Variants in LRRC7 observed in about 807,000 individuals in gnomAD.
The protein encoded by LRRC7 is leucine-rich repeat-containing protein 7.
In LRRC7, 23 loss-of-function variants were observed where a neutral mutation model predicts 175.7. The observed-to-expected ratio is 0.13, with a 90% CI of 0.09 to 0.19. The LOEUF is 0.19. Among genes scored for constraint, LRRC7 ranks in the 10% least tolerant of loss-of-function variants. The pLI is 1.00. For missense variants in LRRC7, 1,354 were observed against 1,904.7 expected (o/e 0.71, Z 5.38); for synonymous variants, 685 against 680.9 (o/e 1.01, Z -0.09).
intron 1 of LRRC7, among the ~76,000 whole-genome samples, chr1:69,596,609 T>C (rs1487221264): frequency 6.6e-6 from 1 of 152,240 alleles, no homozygotes; most frequent in Non-Finnish European, 1.5e-5. Flanking sequence ...TGGGACAAAC[T>C]ATTTTCTTTC....
In LRRC7 at chr1:69,838,429, G is replaced by A; in HGVS notation, c.647+146G>A. ...TAAAGGCCAAAAAGTATGGTATACT[G>A]TAAAAGATTCATATTACATGAGAAT... On this transcript the variant is annotated intron_variant, in intron 7 of 26. Transcript: ENST00000651989. 4.9e-6 allele frequency: 3 copies of A among 613,544 alleles called. No individual in the cohort carries two copies. The South Asian group carries it at 5.4e-5, about 11-fold the overall frequency. 38.0% of individuals were successfully genotyped at this position (613,544 alleles called of 1,614,324 possible).
At chr1:69,626,730 C>A (rs181160214) in intron 1 of LRRC7, among the ~76,000 whole-genome samples, 4 of 121,546 alleles carry the variant, frequency 3.3e-5, no homozygotes, top group Non-Finnish European at 4.9e-5. Context: ...TCTCCTCCGC[C>A]CCCCCATGAC....
intron 10 of LRRC7, among the ~76,000 whole-genome samples, chr1:69,992,395 G>A (rs1390190019): frequency 1.3e-5 from 2 of 152,042 alleles, no homozygotes; most frequent in East Asian, 3.9e-4. Flanking sequence ...AAGAGATGGA[G>A]ACTTGGAGAA....
At chr1:69,977,614 G>A (rs1233566260) in intron 8 of LRRC7, among the ~76,000 whole-genome samples, 1 of 152,072 alleles carries the variant, frequency 6.6e-6, no homozygotes, top group Non-Finnish European at 1.5e-5. Flanking sequence ...AGGCTTCCTT[G>A]TGCTAAGGGT....
chr1:70,070,615 G>A lies in LRRC7; in HGVS notation c.4231-5462G>A, dbSNP rs191159664. On this transcript the variant is annotated intron_variant, in intron 23 of 26. Transcript: ENST00000651989. ...GACACCACTCCAGTTGGGGAAGGGT[G>A]GGGTGCTGCATTGTTATGGCCAGGT... Among the ~76,000 whole-genome samples the A allele has an allele frequency of 4.7e-4, 72 of 152,192 alleles. 1 individual carries two copies. The East Asian group carries it at 0.013, about 27-fold the overall frequency.
chr1:69,919,404 C>A, intron 7 of LRRC7: 1 of 698,402 alleles, frequency 1.4e-6, no homozygotes, highest in South Asian at 1.8e-5. Context: ...AGCGCATGAG[C>A]CGCCCCTCAG....
intron 1 of LRRC7, among the ~76,000 whole-genome samples, chr1:69,668,584 T>C (rs1323855251): frequency 6.6e-6 from 1 of 152,238 alleles, no homozygotes; most frequent in African/African-American, 2.4e-5. Flanking sequence ...TTCGCTATTG[T>C]GAATAGTGCT....
chr1:69,790,109 T>G (rs1218197022), intron 3 of LRRC7, among the ~76,000 whole-genome samples: 1 of 152,066 alleles, frequency 6.6e-6, no homozygotes, highest in Non-Finnish European at 1.5e-5. Context: ...GACTTAGAAC[T>G]GATGAATCTA....
At chr1:69,667,770 C>T (rs544800489) in intron 1 of LRRC7, among the ~76,000 whole-genome samples, 10 of 152,260 alleles carry the variant, frequency 6.6e-5, no homozygotes, top group African/African-American at 2.4e-4. Flanking sequence ...CACTCCACAA[C>T]TTTTGATTGA....
chr1:70,092,137 G>C (rs1664074439), intron 25 of LRRC7, among the ~76,000 whole-genome samples: 1 of 152,098 alleles, frequency 6.6e-6, no homozygotes, highest in Non-Finnish European at 1.5e-5. Context: ...TATTCTGAAA[G>C]TGTTGCATAA....
chr1:70,113,236 T>C (rs1288651886), intron 26 of LRRC7, among the ~76,000 whole-genome samples: 1 of 152,138 alleles, frequency 6.6e-6, no homozygotes, highest in East Asian at 1.9e-4. Flanking sequence ...GACCAGTAGG[T>C]GTGATCAGCT....
chr1:70,056,828 A>T (rs143451439), intron 23 of LRRC7, among the ~76,000 whole-genome samples: 11 of 152,292 alleles, frequency 7.2e-5, no homozygotes, highest in African/African-American at 2.2e-4. Flanking sequence ...AAGGAAAAAC[A>T]AGGGAAAGTA....
chr1:70,119,168 C>G (rs1666054204), intron 26 of LRRC7, among the ~76,000 whole-genome samples: 1 of 151,750 alleles, frequency 6.6e-6, no homozygotes, highest in Non-Finnish European at 1.5e-5. Flanking sequence ...ACTGAGGGCT[C>G]GAGGAGACTC....
At chr1:69,835,292 T>C (rs1293348204) in intron 6 of LRRC7, among the ~76,000 whole-genome samples, 5 of 151,618 alleles carry the variant, frequency 3.3e-5, no homozygotes, top group African/African-American at 1.2e-4. Flanking sequence ...GGTAAAACAA[T>C]CAACTGAAAA....
intron 7 of LRRC7, among the ~76,000 whole-genome samples, chr1:69,853,973 G>A (rs1015793462): frequency 6.6e-6 from 1 of 152,126 alleles, no homozygotes; most frequent in Non-Finnish European, 1.5e-5. Flanking sequence ...ATTAAATTAT[G>A]ATTATGTTTG....
intron 18 of LRRC7, among the ~76,000 whole-genome samples, chr1:70,029,468 G>C (rs1314825524): frequency 6.6e-6 from 1 of 151,640 alleles, no homozygotes; most frequent in Non-Finnish European, 1.5e-5. Context: ...CTACCCTAGA[G>C]GAGGGGAATA....
At chr1:69,717,779 A>AAAGAAAG in intron 2 of LRRC7, among the ~76,000 whole-genome samples, 1 of 17,728 alleles carries the variant, frequency 5.6e-5, no homozygotes, top group Non-Finnish European at 1.1e-4. Flanking sequence ...AAAAAGAAAG[A>AAAGAAAG]AAGAAAGAAA....
intron 7 of LRRC7, among the ~76,000 whole-genome samples, chr1:69,864,168 A>G (rs748567990): frequency 6.6e-6 from 1 of 152,224 alleles, no homozygotes; most frequent in Non-Finnish European, 1.5e-5. Context: ...AAAAAAAAGA[A>G]GAAAATAATA....
intron 25 of LRRC7, among the ~76,000 whole-genome samples, chr1:70,104,067 C>G (rs17131202): frequency 0.15 from 23,356 of 152,060 alleles, 2,864 homozygotes; most frequent in African/African-American, 0.33. Flanking sequence ...TTGTAAGATG[C>G]CATTATTTGT....
Sources: gnomAD v4.1 joint callset for allele counts (sites outside exome capture counted in the v4.1 genomes callset) on GRCh38, gnomAD v4.1.1 for gene constraint, MANE v1.5 for transcripts, NCBI Gene and HGNC (gene_info 2026-07-23, HGNC 2026-07-21) for gene names.